WAC: variants seen among roughly 807,000 people sequenced by gnomAD.
The protein encoded by WAC is WW domain containing adaptor with coiled-coil, also known as WW domain-containing adapter protein with coiled-coil.
WAC carries 11 observed loss-of-function variants against 79.6 expected under a neutral mutation model. That is an observed-to-expected ratio of 0.14 (90% confidence interval 0.09 to 0.23). The LOEUF is 0.23. Ranked by LOEUF, WAC falls within the 10% of genes least tolerant of loss-of-function variation. The probability of loss-of-function intolerance (pLI) is 1.00; values close to 1 mark genes in which losing one functional copy is unlikely to be tolerated. For missense variants in WAC, 728 were observed against 773.5 expected, an observed-to-expected ratio of 0.94 and a Z score of 0.70; for synonymous variants, 304 against 276.9, an observed-to-expected ratio of 1.10 and a Z score of -0.97.
At position 28,534,073 on chromosome 10, in the gene WAC, C is replaced by T. The variant is rs1378040193; in HGVS notation, c.78+39C>T. ...CCGGGGTGGAGGGATTGGAAGGGGC[C>T]GGAGGGGGAAGGGAGGGACTGCTAC... is the stretch of plus-strand genomic sequence containing the variant. On this transcript the variant is annotated intron_variant, in intron 2 of 13. Coordinates refer to ENST00000354911, the MANE Select transcript of WAC (RefSeq NM_016628.5). 4 of 1,548,776 alleles carry T rather than the reference C, an allele frequency of 2.6e-6. No individual in the cohort carries two copies. The South Asian group carries it at 3.6e-5, about 14-fold the overall frequency.
At position 28,583,413 on chromosome 10, in the gene WAC, C is replaced by T. The variant is rs748985092; in HGVS notation, c.289C>T (p.Pro97Ser). ...RERDGGTSYS[P>S]QENSHNHSAL... is the part of the protein sequence containing the mutation. ...ATTTTTTTAAGGGACCAGTTACTCT[C>T]CACAAGAAAATTCACACAACCACAG... The change falls in exon 4 of 14, where the codon CCA becomes TCA. Residue 97 changes from proline to serine, a missense_variant. This residue lies in a region of WAC where 648 missense variants were observed against 661.5 expected (regional missense o/e 0.98). Coordinates refer to ENST00000354911, the MANE Select transcript of WAC (RefSeq NM_016628.5). 3.8e-6 allele frequency: 6 copies of T among 1,584,300 alleles called. No individual in the cohort carries two copies. The South Asian group carries it at 7.0e-5, about 19-fold the overall frequency.
At chr10:28,556,679 G>A (rs1838015753) in intron 3 of WAC, among the ~76,000 whole-genome samples, 1 of 151,834 alleles carries the variant, frequency 6.6e-6, no homozygotes, top group South Asian at 2.1e-4. Flanking sequence ...TCTTGTGGGA[G>A]TTCTACAGTC....
At chr10:28,593,586 G>A (rs1840206312) in intron 6 of WAC, among the ~76,000 whole-genome samples, 1 of 151,874 alleles carries the variant, frequency 6.6e-6, no homozygotes, top group South Asian at 2.1e-4. Flanking sequence ...CGGCCAATGT[G>A]GTGAAACCCC....
intron 3 of WAC, among the ~76,000 whole-genome samples, chr10:28,553,110 C>G (rs767187130): frequency 1.3e-5 from 2 of 151,926 alleles, no homozygotes; most frequent in Non-Finnish European, 2.9e-5. Flanking sequence ...TTAATATTTT[C>G]ATCAGTATAT....
chr10:28,568,805 C>G (rs1411439013), intron 3 of WAC, among the ~76,000 whole-genome samples: 1 of 152,128 alleles, frequency 6.6e-6, no homozygotes, highest in East Asian at 1.9e-4. Context: ...AACTCCTGAC[C>G]TCATGATCCG....
intron 5 of WAC, among the ~76,000 whole-genome samples, chr10:28,590,469 A>G (rs1338438213): frequency 6.6e-6 from 1 of 152,172 alleles, no homozygotes; most frequent in Non-Finnish European, 1.5e-5. Flanking sequence ...TTTCTTTCAC[A>G]TGTAGAATTA....
At chr10:28,607,724 G>A (rs1841029602) in intron 7 of WAC, among the ~76,000 whole-genome samples, 1 of 152,264 alleles carries the variant, frequency 6.6e-6, no homozygotes, top group Non-Finnish European at 1.5e-5. Context: ...TTTGTATTAA[G>A]ACCAGTGTCT....
chr10:28,619,710 T>C lies in WAC; in HGVS notation c.*104T>C. The stretch of plus-strand genomic sequence containing the variant: ...TTAAGTAGACTTTGGACCGTTAAGC[T>C]GGGCAAAGGAAATGACAAGGGGACG... On this transcript the variant is annotated 3_prime_UTR_variant, in exon 14 of 14. Transcript: ENST00000354911. 2.2e-6 allele frequency: 2 copies of C among 900,002 alleles called. No homozygotes were observed. Among genetic ancestry groups the C allele is most frequent in the Non-Finnish European group, 3.2e-6 (2 of 617,246 alleles). The allele number at this position is 900,002 out of a possible 1,614,324, so 55.8% of individuals were successfully genotyped here.
At chr10:28,564,464 T>A (rs1838487592) in intron 3 of WAC, among the ~76,000 whole-genome samples, 1 of 152,056 alleles carries the variant, frequency 6.6e-6, no homozygotes, top group Non-Finnish European at 1.5e-5. Context: ...GAAAACACAT[T>A]AGTGGAAATT....
At position 28,553,228 on chromosome 10, in the gene WAC, TTGCTGTATG is replaced by T. The variant is rs1355253291; in HGVS notation, c.274+17473_274+17481del. Among the ~76,000 whole-genome samples, 12 of 148,394 alleles carry T rather than the reference TTGCTGTATG, an allele frequency of 8.1e-5. No individual in the cohort carries two copies. In the Admixed American group the frequency reaches 8.3e-4, roughly 10 times the overall value. ...ATTATAAACAAATCTTTTATAGTTT[TTGCTGTATG>T]TACTGTATGTACTATTTGTTTACAA... is the stretch of plus-strand genomic sequence containing the variant. On this transcript the variant is annotated intron_variant, in intron 3 of 13. Coordinates refer to ENST00000354911, the MANE Select transcript of WAC (RefSeq NM_016628.5).
At chr10:28,614,278 T>G (rs1214367952) in intron 10 of WAC, among the ~76,000 whole-genome samples, 1 of 151,992 alleles carries the variant, frequency 6.6e-6, no homozygotes, top group Non-Finnish European at 1.5e-5. Flanking sequence ...GCTAATTTTT[T>G]GTATTTTTAG....
Position 28,567,399 on chromosome 10 carries a change from C to T in WAC, c.275-16000C>T, listed in dbSNP as rs373771633. ...TCTTTTGGACACTATTTTAATTGTGCCCTTAAAATTTGGTGTTTGTAATCT... is the reference window on the plus strand; with the variant it reads ...TCTTTTGGACACTATTTTAATTGTGTCCTTAAAATTTGGTGTTTGTAATCT... On this transcript the variant is annotated intron_variant, in intron 3 of 13. Transcript: ENST00000354911. 2.0e-4 allele frequency among the ~76,000 whole-genome samples: 30 copies of T among 152,134 alleles called. No homozygotes were observed. In the East Asian group the frequency reaches 4.8e-3, roughly 25 times the overall value.
intron 3 of WAC, among the ~76,000 whole-genome samples, chr10:28,567,181 A>C (rs1401091140): frequency 6.8e-6 from 1 of 147,880 alleles, no homozygotes; most frequent in Non-Finnish European, 1.5e-5. Context: ...TCTAAATTCC[A>C]GCTCTTTTTT....
intron 3 of WAC, among the ~76,000 whole-genome samples, chr10:28,567,616 C>G (rs1838720512): frequency 6.6e-6 from 1 of 151,918 alleles, no homozygotes; most frequent in Admixed American, 6.6e-5. Context: ...CATCACTGGG[C>G]CAAAAAAAGG....
intron 3 of WAC, among the ~76,000 whole-genome samples, chr10:28,574,293 A>T (rs779029222): frequency 4.6e-5 from 7 of 152,084 alleles, no homozygotes; most frequent in Non-Finnish European, 1.0e-4. Flanking sequence ...GATTACAGGC[A>T]TGCGTCACCA....
chr10:28,558,859 T>G (rs544943846), intron 3 of WAC, among the ~76,000 whole-genome samples: 1 of 152,320 alleles, frequency 6.6e-6, no homozygotes, highest in South Asian at 2.1e-4. Context: ...TGGCTGGCCC[T>G]TAGAGGTCAA....
intron 3 of WAC, among the ~76,000 whole-genome samples, chr10:28,542,555 C>T (rs919996699): frequency 6.6e-6 from 1 of 152,140 alleles, no homozygotes; most frequent in African/African-American, 2.4e-5. Flanking sequence ...TTGACCAAAA[C>T]CTGACTTCTT....
Position 28,533,646 on chromosome 10 carries a change from G to C in WAC, c.41+26G>C, listed in dbSNP as rs1836408002. 4 of 1,594,768 alleles carry C rather than the reference G, an allele frequency of 2.5e-6. No homozygotes were observed. The African/African-American group carries it at 4.1e-5, about 16-fold the overall frequency. On this transcript the variant is annotated intron_variant, in intron 1 of 13. Coordinates refer to ENST00000354911, the MANE Select transcript of WAC (RefSeq NM_016628.5). ...GTAAATTGTCTTTTCGTTTCGGGCCGGGCGGCGGCGGGGGGCGGCGGCGGG... is the reference window on the plus strand; with the variant it reads ...GTAAATTGTCTTTTCGTTTCGGGCCCGGCGGCGGCGGGGGGCGGCGGCGGG...
At chr10:28,538,273 C>T (rs1457454884) in intron 3 of WAC, 1 of 316,550 alleles carries the variant, frequency 3.2e-6, no homozygotes, top group Non-Finnish European at 6.8e-6. Flanking sequence ...TTATAAACTC[C>T]TTTGGATTTT....
Sources: gnomAD v4.1 joint callset for allele counts (sites outside exome capture counted in the v4.1 genomes callset) on GRCh38, gnomAD v4.1.1 for gene constraint, gnomAD v4.1.1 regional missense constraint, MANE v1.5 for transcripts, NCBI Gene and HGNC (gene_info 2026-07-23, HGNC 2026-07-21) for gene names.